Variants in CUX1 observed in about 807,000 individuals in gnomAD.
CUX1 encodes the protein cut like homeobox 1, also known as protein CASP.
In CUX1, 31 loss-of-function variants were observed where a neutral mutation model predicts 158.8. The ratio of observed to expected loss-of-function variants is 0.20; its 90% CI spans 0.15 to 0.26. The LOEUF (loss-of-function observed/expected upper bound fraction) is 0.26. CUX1 is among the 10% of genes least tolerant of loss of function. The pLI, the probability that CUX1 is intolerant of heterozygous loss-of-function variation, is 1.00. For missense variants in CUX1, 1,589 were observed against 2,014.6 expected (o/e 0.79, Z 4.04); for synonymous variants, 879 against 862.1 (o/e 1.02, Z -0.34).
chr7:102,024,361 CTG>C (rs1819741409), intron 2 of CUX1, among the ~76,000 whole-genome samples: 1 of 152,322 alleles, frequency 6.6e-6, no homozygotes, highest in Middle Eastern at 3.4e-3. Flanking sequence ...GAGTCTCACT[CTG>C]TCACCCAGGC....
Position 102,081,707 on chromosome 7 carries a change from G to A in CUX1, c.268+11290G>A, listed in dbSNP as rs1827435538. Among the ~76,000 whole-genome samples the A allele has an allele frequency of 2.7e-5, 4 of 146,056 alleles. 1 individual carries two copies. Among genetic ancestry groups the A allele is most frequent in the South Asian group, 4.4e-4 (2 of 4,506 alleles). On this transcript the variant is annotated intron_variant, in intron 4 of 23. Transcript: ENST00000292535. ...GAGTGCAGTGGCATAATCTTGGCTC[G>A]CTGCAACCTCCTCCTCCTGGGTTCA...
rs79114681 is a variant in CUX1 at position 101,952,447 on chromosome 7, C to T, written c.141+36222C>T. On this transcript the variant is annotated intron_variant, in intron 2 of 23. Transcript: ENST00000292535. ...CAGACCTGCTGAATCAGAAAATACG[C>T]GGGCAGGCCCAGCCGCCTGTGCCTT... 5.2e-3 allele frequency among the ~76,000 whole-genome samples: 794 copies of T among 152,262 alleles called. 9 individuals are homozygous for T. The highest frequency in any genetic ancestry group is 0.018 in the African/African-American group (746 of 41,548).
At chr7:102,085,295 T>G (rs1172065876) in intron 4 of CUX1, among the ~76,000 whole-genome samples, 1 of 152,244 alleles carries the variant, frequency 6.6e-6, no homozygotes, top group East Asian at 1.9e-4. Flanking sequence ...AATTTGCTAC[T>G]GTTTTACTGA....
intron 17 of CUX1, chr7:102,277,920 C>G (rs199988770): frequency 3.6e-6 from 4 of 1,117,360 alleles, no homozygotes; most frequent in South Asian, 1.4e-5. Context: ...GCCTCTCCCC[C>G]ACCCCTTTCC....
At chr7:102,193,072 G>A (rs1794447165) in intron 12 of CUX1, among the ~76,000 whole-genome samples, 1 of 152,252 alleles carries the variant, frequency 6.6e-6, no homozygotes, top group African/African-American at 2.4e-5. Context: ...GGGCTGCAGA[G>A]AAGGTCTGCC....
chr7:102,030,842 C>T (rs1820708820), intron 3 of CUX1, among the ~76,000 whole-genome samples: 1 of 151,882 alleles, frequency 6.6e-6, no homozygotes, highest in Non-Finnish European at 1.5e-5. Flanking sequence ...TGGGACTATA[C>T]ATGTGCACCA....
intron 1 of CUX1, among the ~76,000 whole-genome samples, chr7:101,821,743 C>T (rs1249521181): frequency 5.0e-5 from 6 of 118,850 alleles, no homozygotes; most frequent in Admixed American, 1.1e-4. Flanking sequence ...GGTGCGATCT[C>T]GGCTCACTGC....
At position 101,938,023 on chromosome 7, in the gene CUX1, C is replaced by T. The variant is rs890456197; in HGVS notation, c.141+21798C>T. 2.0e-5 allele frequency among the ~76,000 whole-genome samples: 3 copies of T among 152,066 alleles called. No individual in the cohort carries two copies. The South Asian group carries it at 6.2e-4, about 31-fold the overall frequency. On this transcript the variant is annotated intron_variant, in intron 2 of 23. Coordinates refer to ENST00000292535, the MANE Select transcript of CUX1 (RefSeq NM_181552.4). The stretch of plus-strand genomic sequence containing the variant: ...AGGAGAAGGGTGAATAATTGAATTA[C>T]AGATGACAGTAAATATTTGGATCTA...
intron 1 of CUX1, among the ~76,000 whole-genome samples, chr7:101,898,928 C>A (rs1156752818): frequency 6.6e-6 from 1 of 152,224 alleles, no homozygotes; most frequent in Non-Finnish European, 1.5e-5. Flanking sequence ...GGAAGAATAA[C>A]ATACTGAGTG....
intron 1 of CUX1, among the ~76,000 whole-genome samples, chr7:101,911,591 G>A (rs566029861): frequency 2.1e-3 from 322 of 152,192 alleles, no homozygotes; most frequent in African/African-American, 7.3e-3. Flanking sequence ...CGTTGACCTT[G>A]GCCCGCCAGT....
intron 1 of CUX1, among the ~76,000 whole-genome samples, chr7:101,877,614 G>T (rs979688367): frequency 6.6e-6 from 1 of 152,196 alleles, no homozygotes; most frequent in East Asian, 1.9e-4. Context: ...TTGAGCCCAG[G>T]AGGTGGAGGT....
chr7:102,069,758 G>T (rs1257365961), intron 3 of CUX1, among the ~76,000 whole-genome samples: 1 of 152,108 alleles, frequency 6.6e-6, no homozygotes, highest in Non-Finnish European at 1.5e-5. Flanking sequence ...AAAAAAAGGA[G>T]AATTTTATGA....
chr7:102,083,371 G>T (rs2130769867), intron 4 of CUX1, among the ~76,000 whole-genome samples: 1 of 147,220 alleles, frequency 6.8e-6, no homozygotes. Context: ...TAGTGATATA[G>T]TCATAGCTCA....
At chr7:101,878,428 T>G (rs904399122) in intron 1 of CUX1, among the ~76,000 whole-genome samples, 16 of 152,204 alleles carry the variant, frequency 1.1e-4, no homozygotes, top group African/African-American at 3.9e-4. Flanking sequence ...CTGAAGTCAT[T>G]GCCGCTAAGG....
chr7:102,240,340 C>T (rs560366956), intron 23 of CUX1, among the ~76,000 whole-genome samples: 1 of 152,284 alleles, frequency 6.6e-6, no homozygotes, highest in South Asian at 2.1e-4. Flanking sequence ...GCAATCATAG[C>T]TTACTGCAGG....
chr7:102,063,607 G>T (rs1825200889), intron 3 of CUX1, among the ~76,000 whole-genome samples: 1 of 151,878 alleles, frequency 6.6e-6, no homozygotes. Context: ...TGGCCAGGCT[G>T]GTCTCGAACT....
At chr7:101,833,551 ACT>A (rs1369934432) in intron 1 of CUX1, among the ~76,000 whole-genome samples, 3 of 123,734 alleles carry the variant, frequency 2.4e-5, no homozygotes, top group East Asian at 4.6e-4. Context: ...CAAGAGGAAG[ACT>A]CTGTCTCTTA....
chr7:102,250,894 G>C lies in CUX1; in HGVS notation c.*1852G>C. 1 of 985,290 alleles carries C rather than the reference G, an allele frequency of 1.0e-6. No homozygotes were observed. 61.0% of individuals were successfully genotyped at this position (985,290 alleles called of 1,614,324 possible). ...TCAATAAGCTGTTTTATCAGTTACG[G>C]CTTCTACAAGTTTGCTAATTTAGAC... On this transcript the variant is annotated 3_prime_UTR_variant, in exon 24 of 24. Transcript: ENST00000292535.
chr7:101,910,744 CAAA>C (rs77729111), intron 1 of CUX1, among the ~76,000 whole-genome samples: 4 of 106,098 alleles, frequency 3.8e-5, no homozygotes, highest in Non-Finnish European at 4.1e-5. Flanking sequence ...AAGACTGTCT[CAAA>C]AAAAAAAAAA....
Sources: allele counts gnomAD v4.1 joint callset (sites outside exome capture counted in the v4.1 genomes callset), GRCh38; gene constraint gnomAD v4.1.1; transcripts MANE v1.5; gene names NCBI Gene and HGNC (gene_info 2026-07-23, HGNC 2026-07-21).